The following ADGB variants were observed in gnomAD, a reference collection of about 807,000 sequenced individuals.
ADGB encodes calpain-7-like protein.
A neutral mutation model predicts 210.5 loss-of-function variants in ADGB; 172 were observed. That is an observed-to-expected ratio of 0.82 (90% CI 0.72 to 0.93). ADGB has a LOEUF of 0.93. Ranked by LOEUF, ADGB falls within the 40% of genes least tolerant of loss-of-function variation. The probability of loss-of-function intolerance (pLI) is 0.00; values close to 1 mark genes in which losing one functional copy is unlikely to be tolerated. For synonymous variants in ADGB, 658 were observed against 662.7 expected (o/e 0.99, Z 0.11); for missense variants, 2,025 against 1,964.8 (o/e 1.03, Z -0.58).
chr6:146,718,712 A>G (rs1776771648), intron 16 of ADGB, among the ~76,000 whole-genome samples: 1 of 152,228 alleles, frequency 6.6e-6, no homozygotes, highest in Non-Finnish European at 1.5e-5. Context: ...CCACACCTCC[A>G]TGAGCAGTAC....
chr6:146,655,173 G>A (rs1303243689), intron 4 of ADGB, among the ~76,000 whole-genome samples: 1 of 152,042 alleles, frequency 6.6e-6, no homozygotes. Context: ...TCCTGCCCCT[G>A]GTCTCAAAGT....
rs963181185 is a variant in ADGB, at chr6:146,658,918, C to A, written c.612+1938C>A. Among the ~76,000 whole-genome samples the A allele has an allele frequency of 3.3e-5, 5 of 152,124 alleles. No individual in the cohort carries two copies. The South Asian group carries it at 1.0e-3, about 32-fold the overall frequency. On this transcript the variant is annotated intron_variant, in intron 5 of 35. Transcript: ENST00000397944. ...GAGGATGCTGTGAGCACTGACATAC[C>A]AGTTCCCTATGAATTATTTTGGTAG...
At chr6:146,785,951 AAGG>A (rs1777866329) in intron 32 of ADGB, among the ~76,000 whole-genome samples, 1 of 152,036 alleles carries the variant, frequency 6.6e-6, no homozygotes, top group Non-Finnish European at 1.5e-5. Flanking sequence ...CACACTGTGC[AAGG>A]AGATGTGATT....
rs573900490 is a variant in ADGB, at chr6:146,726,300, C to A, written c.2352+103C>A. 21 of 684,356 alleles carry A rather than the reference C, an allele frequency of 3.1e-5. 1 individual carries two copies. In the South Asian group the frequency reaches 4.7e-4, roughly 15 times the overall value. The allele number at this position is 684,356 out of a possible 1,614,324, so 42.4% of individuals were successfully genotyped here. On this transcript the variant is annotated intron_variant, in intron 19 of 35. Coordinates refer to ENST00000397944, the MANE Select transcript of ADGB (RefSeq NM_024694.4). Reference sequence around the variant, plus strand: ...GCAGTGGCATGATCTTGGCTCACTGCAACCTCTGCCTTCCAGGTTCAAGCA... The same window carrying A: ...GCAGTGGCATGATCTTGGCTCACTGAAACCTCTGCCTTCCAGGTTCAAGCA...
chr6:146,801,300 T>A, intron 34 of ADGB, 21 bp downstream of exon 34: 1 of 1,316,566 alleles, frequency 7.6e-7, no homozygotes, highest in Non-Finnish European at 1.0e-6. Flanking sequence ...ATAAACATGA[T>A]TGATGCAGAC....
At chr6:146,691,411 A>AATATATATATATATATAT (rs71031004) in intron 11 of ADGB, 121 bp downstream of exon 11, 1 of 98,244 alleles carries the variant, frequency 1.0e-5, no homozygotes, top group African/African-American at 1.2e-4. Flanking sequence ...GCCTATGTTT[A>AATATATATATATATATAT]ATATATATAT....
chr6:146,636,019 C>T (rs975189840), intron 2 of ADGB, among the ~76,000 whole-genome samples: 2 of 152,008 alleles, frequency 1.3e-5, no homozygotes, highest in African/African-American at 2.4e-5. Context: ...CACTGCTCTT[C>T]GTTTACTTTT....
chr6:146,807,647 T>C, intron 35 of ADGB: 1 of 1,327,660 alleles, frequency 7.5e-7, no homozygotes, highest in Non-Finnish European at 1.0e-6. Context: ...GTAATGATCT[T>C]TAACTGCCTG....
intron 3 of ADGB, among the ~76,000 whole-genome samples, chr6:146,647,116 A>AAAAAAAAAC (rs1775629588): frequency 7.0e-6 from 1 of 143,822 alleles, no homozygotes; most frequent in African/African-American, 2.8e-5. Flanking sequence ...AAAAAACAAA[A>AAAAAAAAAC]AACAAACAAA....
At chr6:146,753,167 A>G (rs1435466202) in intron 27 of ADGB, among the ~76,000 whole-genome samples, 1 of 152,086 alleles carries the variant, frequency 6.6e-6, no homozygotes, top group Admixed American at 6.6e-5. Context: ...TTACGTAGTT[A>G]TGTTAGTAAC....
Position 146,746,273 on chromosome 6 carries a change from G to A in ADGB, c.3365+164G>A, listed in dbSNP as rs567222832. 1.4e-4 allele frequency among the ~76,000 whole-genome samples: 21 copies of A among 152,240 alleles called. No homozygotes were observed. The South Asian group carries it at 1.9e-3, about 14-fold the overall frequency. On this transcript the variant is annotated intron_variant, in intron 26 of 35. Transcript: ENST00000397944. ...TGTGATGTGATTATGTGGGTGTTAC[G>A]TAAGATTAAGCCTGTATGGCTACAT...
intron 29 of ADGB, among the ~76,000 whole-genome samples, chr6:146,772,296 C>A (rs531059100): frequency 3.1e-4 from 47 of 151,682 alleles, no homozygotes; most frequent in Admixed American, 2.8e-3. Flanking sequence ...AATAGCATCA[C>A]ATAGTACAAT....
intron 13 of ADGB, among the ~76,000 whole-genome samples, chr6:146,710,718 AT>A (rs1776647038): frequency 1.3e-5 from 2 of 152,076 alleles, no homozygotes; most frequent in African/African-American, 2.4e-5. Context: ...TAAATTATTG[AT>A]TGTATTCGTT....
intron 1 of ADGB, among the ~76,000 whole-genome samples, chr6:146,607,946 G>A (rs1780654741): frequency 1.3e-5 from 2 of 152,208 alleles, no homozygotes; most frequent in South Asian, 2.1e-4. Context: ...CCCTCCCCTC[G>A]ATGTGTTGGA....
At chr6:146,728,517 T>A in intron 19 of ADGB, 57 bp from the exon 20 acceptor site, 6 of 1,462,696 alleles carry the variant, frequency 4.1e-6, no homozygotes, top group Non-Finnish European at 5.5e-6. Flanking sequence ...TTAATTTGTA[T>A]AAACTAGATG....
chr6:146,771,681 G>A (rs1261936577), intron 29 of ADGB, among the ~76,000 whole-genome samples: 1 of 152,198 alleles, frequency 6.6e-6, no homozygotes, highest in Non-Finnish European at 1.5e-5. Flanking sequence ...CAAAGAAGTA[G>A]ATAGAGTATA....
chr6:146,754,095 T>C (rs1316139442), intron 27 of ADGB, among the ~76,000 whole-genome samples: 1 of 151,474 alleles, frequency 6.6e-6, no homozygotes, highest in East Asian at 1.9e-4. Flanking sequence ...TCCAAGGTTA[T>C]TTTTTAACTG....
chr6:146,623,076 A>G (rs1161325164), intron 1 of ADGB, among the ~76,000 whole-genome samples: 2 of 151,920 alleles, frequency 1.3e-5, no homozygotes, highest in Non-Finnish European at 2.9e-5. Flanking sequence ...TCTTGATGCC[A>G]TTACCTTGTG....
chr6:146,815,241 T>C lies in ADGB; in HGVS notation c.*24T>C, dbSNP rs1427068140. 16 of 1,462,246 alleles carry C rather than the reference T, an allele frequency of 1.1e-5. No homozygotes were observed. The highest frequency in any genetic ancestry group is 3.1e-5 in the Admixed American group (1 of 31,994). The allele number at this position is 1,462,246 out of a possible 1,614,324, so 90.6% of individuals were successfully genotyped here. On this transcript the variant is annotated 3_prime_UTR_variant, in exon 36 of 36. Transcript: ENST00000397944. ...AACCAGGGGATGTCCAATACTACCCTGCTTCTGGAGAGAAAAAATCTATTT... is the reference window on the plus strand; with the variant it reads ...AACCAGGGGATGTCCAATACTACCCCGCTTCTGGAGAGAAAAAATCTATTT...
Sources: allele counts gnomAD v4.1 joint callset (sites outside exome capture counted in the v4.1 genomes callset), GRCh38; gene constraint gnomAD v4.1.1; transcripts MANE v1.5; gene names NCBI Gene and HGNC (gene_info 2026-07-23, HGNC 2026-07-21).